RBPJ: variants seen among roughly 807,000 people sequenced by gnomAD.
RBPJ encodes the protein recombining binding protein suppressor of hairless.
Under a neutral mutation model 67.8 loss-of-function variants are expected in RBPJ, and 9 were observed. That is an observed-to-expected ratio of 0.13 (90% CI 0.08 to 0.23). The LOEUF is 0.23. Ranked by LOEUF, RBPJ falls within the 10% of genes least tolerant of loss-of-function variation. The pLI is 1.00. For synonymous variants in RBPJ, 198 were observed against 203.3 expected (o/e 0.97, Z 0.22); for missense variants, 305 against 595.6 (o/e 0.51, Z 5.08).
At chr4:26,214,690 G>GAGGA (rs1718579275) in intron 1 of RBPJ, among the ~76,000 whole-genome samples, 2 of 95,956 alleles carry the variant, frequency 2.1e-5, no homozygotes, top group African/African-American at 1.2e-4. Flanking sequence ...AGGAGAGAGG[G>GAGGA]AGGAAGGATG....
intron 1 of RBPJ, among the ~76,000 whole-genome samples, chr4:26,199,850 T>A (rs1405358973): frequency 1.3e-5 from 2 of 152,222 alleles, no homozygotes; most frequent in Non-Finnish European, 2.9e-5. Flanking sequence ...GTATGTGAAT[T>A]ATTTCTCAAT....
chr4:26,245,802 A>T (rs1719910046), intron 1 of RBPJ, among the ~76,000 whole-genome samples: 1 of 152,192 alleles, frequency 6.6e-6, no homozygotes, highest in Admixed American at 6.5e-5. Context: ...TTGTTGAAGC[A>T]TCATTTGTTG....
At chr4:26,121,873 C>CTTTTTTT in the RBPJ span, among the ~76,000 whole-genome samples, 1 of 94,098 alleles carries the variant, frequency 1.1e-5, no homozygotes, top group Non-Finnish European at 2.0e-5. Flanking sequence ...GAGTATCTCT[C>CTTTTTTT]TTTTTTTTTT....
At chr4:26,174,751 T>G (rs1362665871) in intron 1 of RBPJ, among the ~76,000 whole-genome samples, 1 of 152,188 alleles carries the variant, frequency 6.6e-6, no homozygotes, top group Non-Finnish European at 1.5e-5. Flanking sequence ...ATTACAGGCT[T>G]GAGCCACTGT....
At chr4:26,406,096 C>A in intron 2 of RBPJ, 79 bp from the exon 3 acceptor site, 1 of 868,398 alleles carries the variant, frequency 1.2e-6, no homozygotes, top group Non-Finnish European at 1.9e-6. Context: ...GCATTCCTCT[C>A]ATTACAGAGC....
chr4:26,215,160 A>AGG (rs1718644604), intron 1 of RBPJ, among the ~76,000 whole-genome samples: 1 of 116,102 alleles, frequency 8.6e-6, no homozygotes, highest in Non-Finnish European at 1.7e-5. Context: ...GAGGGAGAGA[A>AGG]GGAGGATAGG....
intron 1 of RBPJ, among the ~76,000 whole-genome samples, chr4:26,383,181 T>G (rs1730493774): frequency 6.6e-6 from 1 of 152,210 alleles, no homozygotes; most frequent in Non-Finnish European, 1.5e-5. Context: ...GCAGGAGTGT[T>G]GTTGCACAGG....
chr4:26,114,866 AAC>A, the RBPJ span, among the ~76,000 whole-genome samples: 6 of 152,194 alleles, frequency 3.9e-5, no homozygotes, highest in African/African-American at 1.2e-4. Context: ...GCAGTTATTA[AAC>A]AGTCATTATT....
At chr4:26,115,764 T>C in the RBPJ span, among the ~76,000 whole-genome samples, 1 of 152,200 alleles carries the variant, frequency 6.6e-6, no homozygotes, top group Admixed American at 6.5e-5. Context: ...TATTACTAAC[T>C]TAGCACTTCA....
chr4:26,377,073 T>G (rs546773976), intron 1 of RBPJ, among the ~76,000 whole-genome samples: 1 of 152,340 alleles, frequency 6.6e-6, no homozygotes, highest in East Asian at 1.9e-4. Context: ...ATACTTGTTT[T>G]GAAGGGACCA....
the RBPJ span, among the ~76,000 whole-genome samples, chr4:26,131,732 G>C: frequency 7.2e-5 from 11 of 152,204 alleles, no homozygotes; most frequent in Non-Finnish European, 1.5e-4. Context: ...TGGTGGCCCT[G>C]TTGACTCCTT....
chr4:26,425,106 T>C (rs1366861448), intron 7 of RBPJ: 1 of 270,328 alleles, frequency 3.7e-6, no homozygotes, highest in African/African-American at 2.2e-5. Context: ...TTTTTTGTGG[T>C]ACCTGCCATA....
chr4:26,154,920 A>G, the RBPJ span, among the ~76,000 whole-genome samples: 1 of 152,166 alleles, frequency 6.6e-6, no homozygotes, highest in African/African-American at 2.4e-5. Context: ...CCGTGATGTA[A>G]TACCCCCCAC....
Position 26,238,311 on chromosome 4 carries a change from C to A in RBPJ, c.-167+74697C>A, listed in dbSNP as rs144257369. Among the ~76,000 whole-genome samples, 1,198 of 152,302 alleles carry A rather than the reference C, an allele frequency of 7.9e-3. 16 individuals are homozygous for A. Among genetic ancestry groups the A allele is most frequent in the South Asian group, 0.054 (262 of 4,818 alleles). The stretch of plus-strand genomic sequence containing the variant: ...TTCTGGGCTCAAGTGATCTGCCTGC[C>A]TCAGCCTCCCAAAGTGCTGGGATTA... On this transcript the variant is annotated intron_variant, in intron 1 of 4. Coordinates refer to the RBPJ transcript ENST00000512351.
At chr4:26,428,321 A>G (rs376043690) in intron 7 of RBPJ, among the ~76,000 whole-genome samples, 2 of 152,238 alleles carry the variant, frequency 1.3e-5, no homozygotes, top group Non-Finnish European at 2.9e-5. Flanking sequence ...CAGCATTAAC[A>G]TCAACTGGGA....
chr4:26,359,384 A>G (rs1342019155), intron 1 of RBPJ, among the ~76,000 whole-genome samples: 1 of 149,058 alleles, frequency 6.7e-6, no homozygotes, highest in Non-Finnish European at 1.5e-5. Flanking sequence ...CCTAATAATC[A>G]GTATTGCAAT....
chr4:26,138,777 C>T, the RBPJ span, among the ~76,000 whole-genome samples: 1 of 152,238 alleles, frequency 6.6e-6, no homozygotes, highest in Non-Finnish European at 1.5e-5. Context: ...ATGCTCCAAT[C>T]CTGCCCCAAA....
intron 3 of RBPJ, among the ~76,000 whole-genome samples, chr4:26,414,712 G>A (rs1486919937): frequency 6.6e-6 from 1 of 152,146 alleles, no homozygotes; most frequent in East Asian, 1.9e-4. Context: ...ATTTTTAATT[G>A]CTAAATAAAA....
chr4:26,176,843 A>T (rs1025024204), intron 1 of RBPJ, among the ~76,000 whole-genome samples: 1 of 152,256 alleles, frequency 6.6e-6, no homozygotes, highest in Non-Finnish European at 1.5e-5. Context: ...TGTGCAGCCC[A>T]GTTGCCTTGC....
Sources: gnomAD v4.1 joint callset for allele counts (sites outside exome capture counted in the v4.1 genomes callset) on GRCh38, gnomAD v4.1.1 for gene constraint, MANE v1.5 for transcripts, NCBI Gene and HGNC (gene_info 2026-07-23, HGNC 2026-07-21) for gene names.